B9D1: variants seen among roughly 807,000 people sequenced by gnomAD.
B9D1 encodes B9 domain-containing protein 1.
In B9D1, 20 loss-of-function variants were observed where a neutral mutation model predicts 26.1. The ratio of observed to expected loss-of-function variants is 0.77; its 90% CI spans 0.54 to 1.12. The LOEUF (loss-of-function observed/expected upper bound fraction) is 1.12, where lower values mean the gene tolerates loss of function less well. B9D1 is among the 50% of genes most tolerant of loss of function. The pLI is 0.00. For missense variants in B9D1, 260 were observed against 273.7 expected (o/e 0.95, Z 0.35); for synonymous variants, 105 against 103.1 (o/e 1.02, Z -0.11).
At chr17:19,343,950 A>G (rs1210262365) in intron 5 of B9D1, 93 bp from the exon 6 acceptor site, 2 of 1,577,458 alleles carry the variant, frequency 1.3e-6, no homozygotes, top group Non-Finnish European at 1.7e-6. Flanking sequence ...CGGTTCAGAA[A>G]CCAGCACTCT....
chr17:19,346,208 C>T (rs1908753398), intron 5 of B9D1, among the ~76,000 whole-genome samples: 1 of 152,210 alleles, frequency 6.6e-6, no homozygotes, highest in African/African-American at 2.4e-5. Flanking sequence ...CCCAGGTCAT[C>T]TGGGAAAGAA....
intron 5 of B9D1, among the ~76,000 whole-genome samples, chr17:19,345,441 C>T (rs1908639376): frequency 1.3e-5 from 2 of 152,248 alleles, no homozygotes; most frequent in Admixed American, 6.5e-5. Context: ...CCTGGGAAAC[C>T]GTGCACGTGA....
intron 1 of B9D1, among the ~76,000 whole-genome samples, chr17:19,376,441 A>T (rs1912103682): frequency 1.3e-5 from 2 of 152,006 alleles, no homozygotes; most frequent in African/African-American, 4.8e-5. Context: ...TATTCTCTCT[A>T]TAGCCTGCTA....
intron 3 of B9D1, among the ~76,000 whole-genome samples, chr17:19,351,432 C>T (rs1444221191): frequency 6.6e-6 from 1 of 152,190 alleles, no homozygotes; most frequent in Non-Finnish European, 1.5e-5. Flanking sequence ...TTTTGCAACT[C>T]TGTTCATGAA....
chr17:19,361,304 C>T (rs537678260), intron 1 of B9D1, among the ~76,000 whole-genome samples: 2 of 152,236 alleles, frequency 1.3e-5, no homozygotes, highest in East Asian at 1.9e-4. Flanking sequence ...AACCATCCCT[C>T]GCCACCTGGT....
chr17:19,357,641 C>T (rs1335236746), intron 3 of B9D1, 199 bp downstream of exon 3: 1 of 626,922 alleles, frequency 1.6e-6, no homozygotes, highest in Non-Finnish European at 2.9e-6. Flanking sequence ...CAGCCTGTAG[C>T]AGATGAAGGG....
intron 5 of B9D1, among the ~76,000 whole-genome samples, chr17:19,344,109 G>C (rs147067441): frequency 6.6e-6 from 1 of 152,240 alleles, no homozygotes; most frequent in Non-Finnish European, 1.5e-5. Flanking sequence ...TCCGCTGGCC[G>C]GTTAGGCTTT....
intron 5 of B9D1, chr17:19,344,498 C>T: frequency 3.6e-6 from 1 of 277,874 alleles, no homozygotes. Context: ...CCGGGGGTGT[C>T]AGGCCCCGCC....
At chr17:19,362,360 C>T in intron 1 of B9D1, 147 bp downstream of exon 1, 1 of 617,542 alleles carries the variant, frequency 1.6e-6, no homozygotes, top group South Asian at 2.1e-5. Context: ...GCCAAGCTCT[C>T]CAATGCTGGC....
chr17:19,377,700 C>A lies in B9D1; in HGVS notation c.-298+159G>T, dbSNP rs180996838. On this transcript the variant is annotated intron_variant, in intron 1 of 5. Transcript: ENST00000477478. Reference sequence around the variant, plus strand: ...CTACATGAATGAACGAATAAACTATCGGATTTTGGGGTGGGTCGGGACAGC... The same window carrying A: ...CTACATGAATGAACGAATAAACTATAGGATTTTGGGGTGGGTCGGGACAGC... 1.9e-3 allele frequency: 565 copies of A among 297,444 alleles called. 5 individuals carry two copies. In the South Asian group the frequency reaches 0.02, roughly 10 times the overall value. The allele number at this position is 297,444 out of a possible 1,614,324, so 18.4% of individuals were successfully genotyped here. A position where few individuals can be genotyped will look rare whatever the true frequency, so the allele number is the denominator to read the frequency against.
In B9D1 at chr17:19,362,561, G is replaced by C. The variant is rs749611797; in HGVS notation, c.9C>G (p.Thr3=). ...TGAGTAGAAAGACGCTAGGACTCGC[G>C]GTCGCCATGGCAGGTCTGGGGGTGC... is the stretch of plus-strand genomic sequence containing the variant. MA[T]ASPSVFLLMV... is the part of the protein sequence containing the mutation. Residue 3 remains threonine (T), a synonymous_variant, in exon 1 of 7, where the codon ACC becomes ACG. Transcript: ENST00000261499. The C allele has an allele frequency of 1.9e-6, 3 of 1,589,248 alleles. No individual in the cohort carries two copies. The highest frequency in any genetic ancestry group is 2.3e-5 in the South Asian group (2 of 87,570).
intron 2 of B9D1, 148 bp downstream of exon 2, chr17:19,360,172 C>T (rs777058258): frequency 1.3e-5 from 10 of 767,188 alleles, no homozygotes; most frequent in East Asian, 1.0e-4. Flanking sequence ...CCTCTGCTCC[C>T]GCTTTACCAG....
upstream of B9D1, chr17:19,362,908 G>A (rs996769368): frequency 7.2e-6 from 3 of 418,690 alleles, no homozygotes; most frequent in Admixed American, 6.9e-5. Context: ...TGTTCACTCT[G>A]ACTCGGCCCG....
chr17:19,361,990 C>T (rs989286587), intron 1 of B9D1, among the ~76,000 whole-genome samples: 1 of 152,176 alleles, frequency 6.6e-6, no homozygotes, highest in African/African-American at 2.4e-5. Flanking sequence ...TAAATGATTC[C>T]TCTAAAGTGT....
downstream of B9D1, chr17:19,337,592 GAA>G (rs1252893332): frequency 5.7e-6 from 5 of 874,678 alleles, no homozygotes; most frequent in Non-Finnish European, 9.0e-6. Flanking sequence ...AGGAGAGAAA[GAA>G]GGGTGTGTGG....
chr17:19,377,799 C>G (rs1912221982), intron 1 of B9D1: 1 of 982,180 alleles, frequency 1.0e-6, no homozygotes, highest in African/African-American at 1.7e-5. Context: ...CCTCGGTTAA[C>G]TCCGCTGCAG....
Position 19,343,779 on chromosome 17 carries a change from G to A in B9D1, c.472+11C>T, listed in dbSNP as rs1487563245. 6.2e-7 allele frequency: 1 copy of A among 1,613,140 alleles called. No homozygotes were observed. Among genetic ancestry groups the A allele is most frequent in the Admixed American group, 1.7e-5 (1 of 59,968 alleles). On this transcript the variant is annotated intron_variant, in intron 6 of 6. Transcript: ENST00000261499. ...TGGGGGATGGGGGTAAGAGAGGGGA[G>A]GGAGCTTTACCTTCCCGGCCTTCAC... is the stretch of plus-strand genomic sequence containing the variant.
chr17:19,346,079 G>C (rs1379721989), intron 5 of B9D1, among the ~76,000 whole-genome samples: 3 of 152,242 alleles, frequency 2.0e-5, no homozygotes, highest in Non-Finnish European at 4.4e-5. Flanking sequence ...GAATAACCCA[G>C]CCTGGATGGC....
downstream of B9D1, among the ~76,000 whole-genome samples, chr17:19,341,571 G>T (rs1047034367): frequency 6.6e-6 from 1 of 152,188 alleles, no homozygotes; most frequent in Non-Finnish European, 1.5e-5. Context: ...GGAACAGAAG[G>T]GAGCGCCTTA....
Sources: allele counts gnomAD v4.1 joint callset (sites outside exome capture counted in the v4.1 genomes callset), GRCh38; gene constraint gnomAD v4.1.1; transcripts MANE v1.5; gene names NCBI Gene and HGNC (gene_info 2026-07-23, HGNC 2026-07-21).